Variants in CAMK4 observed in about 807,000 individuals in gnomAD.
CAMK4 encodes calcium/calmodulin-dependent protein kinase type IV.
In CAMK4, 22 loss-of-function variants were observed where a neutral mutation model predicts 44.9. The observed-to-expected ratio is 0.49, with a 90% CI of 0.35 to 0.70. CAMK4 has a LOEUF of 0.70. Among genes scored for constraint, CAMK4 ranks in the 30% least tolerant of loss-of-function variants. The pLI, the probability that CAMK4 is intolerant of heterozygous loss-of-function variation, is 0.01. For synonymous variants in CAMK4, 218 were observed against 215.4 expected, an observed-to-expected ratio of 1.01 and a Z score of -0.11; for missense variants, 498 against 586.8, an observed-to-expected ratio of 0.85 and a Z score of 1.56.
intron 3 of CAMK4, among the ~76,000 whole-genome samples, chr5:111,375,501 T>C (rs1224462903): frequency 6.6e-6 from 1 of 152,142 alleles, no homozygotes; most frequent in African/African-American, 2.4e-5. Context: ...AAGTTATTTT[T>C]ATGAATTAAG....
At chr5:111,314,985 G>T (rs1213951260) in intron 1 of CAMK4, among the ~76,000 whole-genome samples, 1 of 152,006 alleles carries the variant, frequency 6.6e-6, no homozygotes, top group Non-Finnish European at 1.5e-5. Context: ...GTAGCAAAAT[G>T]ACATGATTAA....
At chr5:111,300,422 AGT>A (rs1051783104) in intron 1 of CAMK4, among the ~76,000 whole-genome samples, 1 of 152,350 alleles carries the variant, frequency 6.6e-6, no homozygotes, top group African/African-American at 2.4e-5. Flanking sequence ...TTTTGAAGAA[AGT>A]GTGTAGTTTT....
At chr5:111,327,833 T>G (rs1303802407) in intron 1 of CAMK4, among the ~76,000 whole-genome samples, 2 of 149,772 alleles carry the variant, frequency 1.3e-5, no homozygotes, top group Non-Finnish European at 3.0e-5. Flanking sequence ...GTTCATATCC[T>G]TCGCCCACTT....
At chr5:111,327,125 ATTAGGTATATCTCCTAATGC>A (rs1748927607) in intron 1 of CAMK4, among the ~76,000 whole-genome samples, 1 of 151,690 alleles carries the variant, frequency 6.6e-6, no homozygotes, top group Admixed American at 6.6e-5. Flanking sequence ...GTCATTTAGC[ATTAGGTATATCTCCTAATGC>A]TATCCCTCCC....
At chr5:111,263,951 C>T (rs1394979057) in intron 1 of CAMK4, among the ~76,000 whole-genome samples, 2 of 152,210 alleles carry the variant, frequency 1.3e-5, no homozygotes, top group Non-Finnish European at 2.9e-5. Context: ...AGCCACCTCA[C>T]CTCTTCCCAT....
chr5:111,251,256 A>C (rs929701871), intron 1 of CAMK4, among the ~76,000 whole-genome samples: 4 of 152,204 alleles, frequency 2.6e-5, no homozygotes, highest in Non-Finnish European at 5.9e-5. Flanking sequence ...TGCTCTACAC[A>C]AGGGCTTTTG....
chr5:111,330,478 T>G (rs1172811531), intron 1 of CAMK4, among the ~76,000 whole-genome samples: 5 of 131,616 alleles, frequency 3.8e-5, no homozygotes, highest in Non-Finnish European at 8.0e-5. Flanking sequence ...TTTTTCTTTT[T>G]TTGTTGTTGT....
At chr5:111,395,869 G>C (rs746458018) in intron 5 of CAMK4, among the ~76,000 whole-genome samples, 15 of 151,758 alleles carry the variant, frequency 9.9e-5, no homozygotes, top group Non-Finnish European at 2.2e-4. Context: ...CCCAGGGAGG[G>C]GTATTTATCA....
chr5:111,336,983 G>T (rs1378877872), intron 1 of CAMK4, among the ~76,000 whole-genome samples: 2 of 150,562 alleles, frequency 1.3e-5, no homozygotes, highest in Non-Finnish European at 3.0e-5. Flanking sequence ...ATAATTTCTG[G>T]ACAGTAAATT....
At chr5:111,438,208 G>A (rs534378947) in intron 5 of CAMK4, among the ~76,000 whole-genome samples, 3 of 152,228 alleles carry the variant, frequency 2.0e-5, no homozygotes, top group Admixed American at 6.5e-5. Context: ...TAAAGTTAAC[G>A]TGCCCACAAG....
intron 7 of CAMK4, among the ~76,000 whole-genome samples, chr5:111,453,325 T>C (rs1398899522): frequency 2.6e-5 from 4 of 152,212 alleles, no homozygotes; most frequent in Non-Finnish European, 5.9e-5. Context: ...AAATACAAAT[T>C]TTAATCTAGT....
intron 4 of CAMK4, among the ~76,000 whole-genome samples, chr5:111,391,170 A>G (rs1002022049): frequency 6.6e-6 from 1 of 152,202 alleles, no homozygotes; most frequent in Admixed American, 6.6e-5. Context: ...AAAAACTGCT[A>G]GGAAGAGAAT....
chr5:111,373,281 T>C (rs1171734113), intron 2 of CAMK4, among the ~76,000 whole-genome samples: 3 of 152,128 alleles, frequency 2.0e-5, no homozygotes, highest in African/African-American at 2.4e-5. Context: ...AAATCTCTCA[T>C]TGGGCTGGGA....
chr5:111,270,762 T>C (rs1193907397), intron 1 of CAMK4, among the ~76,000 whole-genome samples: 1 of 152,272 alleles, frequency 6.6e-6, no homozygotes, highest in East Asian at 1.9e-4. Flanking sequence ...CTTTACCATG[T>C]ATTTCTGAGT....
intron 4 of CAMK4, among the ~76,000 whole-genome samples, chr5:111,392,434 A>G (rs1369939225): frequency 6.6e-6 from 1 of 152,114 alleles, no homozygotes; most frequent in African/African-American, 2.4e-5. Context: ...CCCTCCTCCA[A>G]TTTGACATGA....
At chr5:111,426,644 C>G (rs1195214293) in intron 5 of CAMK4, among the ~76,000 whole-genome samples, 1 of 152,098 alleles carries the variant, frequency 6.6e-6, no homozygotes, top group African/African-American at 2.4e-5. Context: ...CCACCCCTCC[C>G]CCACCCCCAA....
intron 8 of CAMK4, among the ~76,000 whole-genome samples, chr5:111,473,795 A>T (rs976537886): frequency 6.6e-6 from 1 of 152,230 alleles, no homozygotes; most frequent in Non-Finnish European, 1.5e-5. Context: ...AAGCAATTCC[A>T]AACTGGTATA....
intron 2 of CAMK4, among the ~76,000 whole-genome samples, chr5:111,366,436 C>T (rs920763146): frequency 6.6e-6 from 1 of 152,120 alleles, no homozygotes; most frequent in Non-Finnish European, 1.5e-5. Context: ...TCTAAGATAG[C>T]CAGGTTGTTC....
At position 111,490,205 on chromosome 5, in the gene CAMK4, C is replaced by T. The variant is rs1755768661; in HGVS notation, c.*5739C>T. On this transcript the variant is annotated 3_prime_UTR_variant, in exon 11 of 11. Coordinates refer to ENST00000282356, the MANE Select transcript of CAMK4 (RefSeq NM_001744.6). Reference sequence around the variant, plus strand: ...TCTAATTTTTGAAAGCGGTTGTTTTCCCTGAGCTCTCTCTCAACTTTGACA... The same window carrying T: ...TCTAATTTTTGAAAGCGGTTGTTTTTCCTGAGCTCTCTCTCAACTTTGACA... 6.6e-6 allele frequency: 1 copy of T among 152,142 alleles called. No homozygotes were observed. 9.4% of individuals were successfully genotyped at this position (152,142 alleles called of 1,614,324 possible). A position where few individuals can be genotyped will look rare whatever the true frequency, so the allele number is the denominator to read the frequency against.
Sources: allele counts gnomAD v4.1 joint callset (sites outside exome capture counted in the v4.1 genomes callset), GRCh38; gene constraint gnomAD v4.1.1; transcripts MANE v1.5; gene names NCBI Gene and HGNC (gene_info 2026-07-23, HGNC 2026-07-21).